Variants in HTT observed in about 807,000 individuals in gnomAD.
HTT encodes huntington disease protein.
Under a neutral mutation model 362.3 loss-of-function variants are expected in HTT, and 104 were observed. That is an observed-to-expected ratio of 0.29 (90% CI 0.24 to 0.34). The LOEUF is 0.34. Ranked by LOEUF, HTT falls within the 10% of genes least tolerant of loss-of-function variation. The probability of loss-of-function intolerance (pLI) is 1.00; values close to 1 mark genes in which losing one functional copy is unlikely to be tolerated. For missense variants in HTT, 3,301 were observed against 3,928.6 expected (o/e 0.84, Z 4.27); for synonymous variants, 1,577 against 1,548.7 (o/e 1.02, Z -0.43).
At chr4:3,104,027 C>A in intron 4 of HTT, 144 bp downstream of exon 4, 2 of 571,216 alleles carry the variant, frequency 3.5e-6, no homozygotes, top group Non-Finnish European at 6.2e-6. Context: ...ATAATCACAC[C>A]ATGGAAAGTT....
chr4:3,127,713 C>T, intron 12 of HTT, 109 bp downstream of exon 12: 1 of 797,164 alleles, frequency 1.3e-6, no homozygotes, highest in East Asian at 2.7e-5. Context: ...CCTGTAATCC[C>T]AGCACTTTGG....
At position 3,241,460 on chromosome 4, in the gene HTT, T is replaced by G. The variant is rs1238972906; in HGVS notation, c.*1401T>G. On this transcript the variant is annotated 3_prime_UTR_variant, in exon 67 of 67. Transcript: ENST00000355072. The stretch of plus-strand genomic sequence containing the variant: ...TTCTGGATGGCCGGGCTGCTGCTGA[T>G]GTAGGAGCTGGATTTGGGAGCTCTG... The G allele has an allele frequency of 1.3e-5, 2 of 152,370 alleles. No homozygotes were observed. The highest frequency in any genetic ancestry group is 2.9e-5 in the Non-Finnish European group (2 of 68,168). 9.4% of individuals were successfully genotyped at this position (152,370 alleles called of 1,614,324 possible).
In HTT at chr4:3,078,994, G is replaced by A. The variant is rs1310682657; in HGVS notation, c.263+3906G>A. ...TCGTCATCCGCCGACCTTGTGATCC[G>A]CCCACCTCGGCCTCCCAAAGTGCTG... On this transcript the variant is annotated intron_variant, in intron 1 of 66. Coordinates refer to ENST00000355072, the MANE Select transcript of HTT (RefSeq NM_001388492.1). 5.9e-5 allele frequency among the ~76,000 whole-genome samples: 9 copies of A among 151,920 alleles called. No individual in the cohort carries two copies. The East Asian group carries it at 1.2e-3, about 20-fold the overall frequency.
intron 37 of HTT, 38 bp downstream of exon 37, chr4:3,182,508 A>G (rs370256808): frequency 3.7e-5 from 49 of 1,316,782 alleles, no homozygotes; most frequent in Non-Finnish European, 5.3e-5. Context: ...TTGCATAGTG[A>G]TGGTAGCTTA....
intron 29 of HTT, among the ~76,000 whole-genome samples, chr4:3,165,939 G>T (rs2110224116): frequency 6.6e-6 from 1 of 152,206 alleles, no homozygotes; most frequent in South Asian, 2.1e-4. Flanking sequence ...TCTCCATCCA[G>T]TTTTGTTCCC....
chr4:3,100,535 C>G (rs1182033191), intron 3 of HTT, among the ~76,000 whole-genome samples: 2 of 152,228 alleles, frequency 1.3e-5, no homozygotes, highest in South Asian at 2.1e-4. Context: ...TGTCTTCTCT[C>G]TCCGCTTGCA....
In HTT at chr4:3,135,957, A is replaced by G; in HGVS notation, c.2687A>G (p.His896Arg). The G allele has an allele frequency of 3.7e-6, 6 of 1,603,790 alleles. No individual in the cohort carries two copies. The highest frequency in any genetic ancestry group is 5.1e-6 in the Non-Finnish European group (6 of 1,176,328). Reference sequence around the variant, plus strand: ...GAAAACTTACACAGAGGGGCTCATCATTATACAGGGGTAAGCGGTTTATTT... The same window carrying G: ...GAAAACTTACACAGAGGGGCTCATCGTTATACAGGGGTAAGCGGTTTATTT... ...KAENLHRGAH[H>R]YTGLLKLQER... The change falls in exon 20 of 67, where the codon CAT (histidine) becomes CGT (arginine). Residue 896 changes from histidine (H) to arginine (R), a missense_variant. Coordinates refer to ENST00000355072, the MANE Select transcript of HTT (RefSeq NM_001388492.1).
intron 40 of HTT, among the ~76,000 whole-genome samples, chr4:3,194,810 A>G (rs1719171691): frequency 6.6e-6 from 1 of 152,212 alleles, no homozygotes; most frequent in Non-Finnish European, 1.5e-5. Context: ...AGAGAGAGAA[A>G]GTGGTCCTTT....
chr4:3,223,750 G>A (rs557344474), intron 55 of HTT, among the ~76,000 whole-genome samples, 190 bp downstream of exon 55: 24 of 152,346 alleles, frequency 1.6e-4, no homozygotes, highest in South Asian at 8.3e-4. Flanking sequence ...AGCTGGAAAC[G>A]TGACAGGAAC....
chr4:3,128,101 G>A (rs936016016), intron 12 of HTT, among the ~76,000 whole-genome samples: 2 of 151,576 alleles, frequency 1.3e-5, no homozygotes, highest in African/African-American at 4.8e-5. Context: ...CTCAGCTAAT[G>A]TTTGTATTTT....
chr4:3,158,572 T>C (rs760362499), intron 28 of HTT, among the ~76,000 whole-genome samples: 2 of 152,176 alleles, frequency 1.3e-5, no homozygotes, highest in Admixed American at 6.5e-5. Flanking sequence ...TTCACATAGC[T>C]CTTGCACATT....
At position 3,107,312 on chromosome 4, in the gene HTT, C is replaced by T; in HGVS notation, c.636C>T (p.Cys212=). The change falls in exon 6 of 67, where the codon TGC becomes TGT. Residue 212 remains cysteine (C), a synonymous_variant. Transcript: ENST00000355072. ...CRPYLVNLLP[C]LTRTSKRPEE... ...CTTACCTGGTGAACCTTCTGCCGTG[C>T]CTGACTCGAACAAGCAAGAGACCCG... 2 of 1,614,160 alleles carry T rather than the reference C, an allele frequency of 1.2e-6. No homozygotes were observed. Among genetic ancestry groups the T allele is most frequent in the Middle Eastern group, 1.6e-4 (1 of 6,062 alleles).
rs772408727 is a variant in HTT, at chr4:3,236,253, A to C, written c.8890A>C (p.Arg2964=). 12 of 1,604,592 alleles carry C rather than the reference A, an allele frequency of 7.5e-6. No homozygotes were observed. The highest frequency in any genetic ancestry group is 4.3e-6 in the Non-Finnish European group (5 of 1,171,358). ...GGAGCGGGTATCTGTTCTTTTTGAT[A>C]GGTAAGAAGCGAAGCCCCATCCCTC... ...AMERVSVLFD[R]IRKGFPCEAR... The change falls in exon 64 of 67, where the codon AGG becomes CGG. Residue 2964 remains arginine, a splice_region_variant and synonymous_variant. Coordinates refer to ENST00000355072, the MANE Select transcript of HTT (RefSeq NM_001388492.1).
At chr4:3,183,832 A>G (rs1382673503) in intron 37 of HTT, among the ~76,000 whole-genome samples, 1 of 152,226 alleles carries the variant, frequency 6.6e-6, no homozygotes, top group Non-Finnish European at 1.5e-5. Flanking sequence ...GTGATACAAC[A>G]TTTATGAAAC....
rs766799488 is a variant in HTT at position 3,142,749 on chromosome 4, T to C, written c.2946-17T>C. On this transcript the variant is annotated splice_polypyrimidine_tract_variant and intron_variant, in intron 22 of 66. Coordinates refer to ENST00000355072, the MANE Select transcript of HTT (RefSeq NM_001388492.1). ...GTTTTAATAGTGTATTTTAAGTCTC[T>C]ATATTTTTGTTATTAGAATATATAG... 3 of 1,327,010 alleles carry C rather than the reference T, an allele frequency of 2.3e-6. No homozygotes were observed. The highest frequency in any genetic ancestry group is 2.3e-5 in the East Asian group (1 of 43,314). 82.2% of individuals were successfully genotyped at this position (1,327,010 alleles called of 1,614,324 possible).
chr4:3,130,407 G>A lies in HTT; in HGVS notation c.1970G>A (p.Gly657Asp). The change falls in exon 14 of 67, where the codon GGT (glycine) becomes GAT (aspartate). Residue 657 changes from glycine to aspartate, a missense_variant. Physicochemically the swap from Gly to Asp is moderately conservative, Grantham distance 94. Around this residue, in one of 4 missense-constraint regions of HTT, gnomAD observed 2,316 missense variants for 2,658.5 expected, o/e 0.87. Transcript: ENST00000355072. The part of the protein sequence containing the change: ...FVLRDEATEP[G>D]DQENKPCRIK... ...TTGAGAGATGAAGCTACTGAACCGG[G>A]TGATCAAGAAAACAAGGTGAGGGAC... is the stretch of plus-strand genomic sequence containing the variant. The A allele has an allele frequency of 3.8e-6, 6 of 1,595,804 alleles. No homozygotes were observed. Among genetic ancestry groups the A allele is most frequent in the Non-Finnish European group, 5.1e-6 (6 of 1,167,350 alleles).
chr4:3,074,695 T>TCCA lies in HTT; in HGVS notation c.-130_-128dup. The TCCA allele has an allele frequency of 2.0e-6, 2 of 976,582 alleles. No individual in the cohort carries two copies. Among genetic ancestry groups the TCCA allele is most frequent in the Non-Finnish European group, 2.8e-6 (2 of 711,852 alleles). 60.5% of individuals were successfully genotyped at this position (976,582 alleles called of 1,614,324 possible). A position where few individuals can be genotyped will look rare whatever the true frequency, so the allele number is the denominator to read the frequency against. Reference sequence around the variant, plus strand: ...GCGCCGTGGGGGCTGCCGGGACGGGTCCAAGATGGACGGCCGCTCAGGTTC... The same window carrying TCCA: ...GCGCCGTGGGGGCTGCCGGGACGGGTCCACCAAGATGGACGGCCGCTCAGGTTC... On this transcript the variant is annotated 5_prime_UTR_variant, in exon 1 of 67. Transcript: ENST00000355072.
chr4:3,140,184 C>T (rs557595007), intron 21 of HTT, among the ~76,000 whole-genome samples: 208 of 151,594 alleles, frequency 1.4e-3, no homozygotes, highest in Admixed American at 1.8e-3. Context: ...TCACTTGAAC[C>T]TGGACGGCAG....
chr4:3,165,015 G>A (rs529442060), intron 29 of HTT, among the ~76,000 whole-genome samples: 40 of 152,258 alleles, frequency 2.6e-4, no homozygotes, highest in African/African-American at 8.4e-4. Flanking sequence ...TCTTCATAGC[G>A]TCAGTAGTCT....
Sources: allele counts gnomAD v4.1 joint callset (sites outside exome capture counted in the v4.1 genomes callset), GRCh38; gene constraint gnomAD v4.1.1; regional missense constraint gnomAD v4.1.1; transcripts MANE v1.5; gene names NCBI Gene and HGNC (gene_info 2026-07-23, HGNC 2026-07-21).